The following RPS6KL1 variants were observed in gnomAD, a reference collection of about 807,000 sequenced individuals.
RPS6KL1 encodes the protein ribosomal protein S6 kinase like 1, also known as ribosomal protein S6 kinase-like 1.
Under a neutral mutation model 57.0 loss-of-function variants are expected in RPS6KL1, and 41 were observed. That is an observed-to-expected ratio of 0.72 (90% confidence interval 0.56 to 0.93). The LOEUF (loss-of-function observed/expected upper bound fraction) is 0.93. Among genes scored for constraint, RPS6KL1 ranks in the 40% least tolerant of loss-of-function variants. RPS6KL1 has a pLI of 0.00. For synonymous variants in RPS6KL1, 287 were observed against 309.7 expected, an observed-to-expected ratio of 0.93 and a Z score of 0.77; for missense variants, 697 against 727.7, an observed-to-expected ratio of 0.96 and a Z score of 0.49.
In RPS6KL1 at chr14:74,908,839, C is replaced by T. The variant is rs748525332; in HGVS notation, c.1443+11G>A. The T allele has an allele frequency of 6.2e-7, 1 of 1,613,328 alleles. No homozygotes were observed. The highest frequency in any genetic ancestry group is 1.7e-5 in the Admixed American group (1 of 60,034). ...ACCCACCAGGGCACTACACCCAGCCCAGCCACTCACCATTCCCGTCAGCAG... is the reference window on the plus strand; with the variant it reads ...ACCCACCAGGGCACTACACCCAGCCTAGCCACTCACCATTCCCGTCAGCAG... On this transcript the variant is annotated intron_variant, in intron 10 of 11. Coordinates refer to ENST00000557413, the MANE Select transcript of RPS6KL1 (RefSeq NM_031464.5).
chr14:74,911,469 C>T (rs528159872), intron 6 of RPS6KL1, 89 bp from the exon 7 acceptor site: 10 of 1,478,592 alleles, frequency 6.8e-6, no homozygotes, highest in Non-Finnish European at 9.2e-6. Flanking sequence ...TCAGGGGCAC[C>T]CGAATGAGGG....
intron 11 of RPS6KL1, 146 bp downstream of exon 11, chr14:74,907,289 A>G (rs1027609409): frequency 2.1e-6 from 3 of 1,420,218 alleles, no homozygotes; most frequent in East Asian, 5.0e-5. Context: ...GGCCACCAAC[A>G]TATAGAAATG....
rs199504156 is a variant in RPS6KL1, at chr14:74,907,029, G to A, written c.1635C>T (p.Ser545=). ...SHPFFSTIQW[S]KLVG ...CTCTGCCCTCTTACCCCACCAGCTT[G>A]CTCCATTGGATGGTACTGAAAAAGG... is the stretch of plus-strand genomic sequence containing the variant. Residue 545 remains serine, a synonymous_variant, in exon 12 of 12, where the codon AGC becomes AGT. Transcript: ENST00000557413. 1.1e-4 allele frequency: 175 copies of A among 1,611,736 alleles called. 1 individual carries two copies. Among genetic ancestry groups the A allele is most frequent in the Non-Finnish European group, 1.5e-4 (171 of 1,178,734 alleles).
chr14:74,908,630 C>T (rs1885325073), intron 10 of RPS6KL1, among the ~76,000 whole-genome samples: 2 of 152,206 alleles, frequency 1.3e-5, no homozygotes, highest in South Asian at 4.1e-4. Flanking sequence ...GAAACCTTCC[C>T]TGACCATCCC....
In RPS6KL1 at chr14:74,906,788, G is replaced by A. The variant is rs1360256230; in HGVS notation, c.*226C>T. ...ATGGGTAGATGGTTCAAGCTGCTTA[G>A]CAGGGCAAGCCTTGACTGCCCCCAC... On this transcript the variant is annotated 3_prime_UTR_variant, in exon 12 of 12. Transcript: ENST00000557413. 3 of 689,258 alleles carry A rather than the reference G, an allele frequency of 4.4e-6. No individual in the cohort carries two copies. Among genetic ancestry groups the A allele is most frequent in the Non-Finnish European group, 8.1e-6 (3 of 371,796 alleles). The allele number at this position is 689,258 out of a possible 1,614,324, so 42.7% of individuals were successfully genotyped here.
chr14:74,917,459 T>C (rs4899539), intron 5 of RPS6KL1, among the ~76,000 whole-genome samples: 87,660 of 151,982 alleles, frequency 0.58, 25,661 homozygotes, highest in South Asian at 0.69. Flanking sequence ...AATCACCCAG[T>C]GAGTATGTTA....
At chr14:74,909,431 G>A (rs1388317618) in intron 8 of RPS6KL1, 112 bp downstream of exon 8, 4 of 1,388,970 alleles carry the variant, frequency 2.9e-6, no homozygotes, top group Non-Finnish European at 3.9e-6. Flanking sequence ...AAGGCTGGCT[G>A]GGGCCAGGGA....
At chr14:74,908,981 T>C in intron 9 of RPS6KL1, 49 bp from the exon 10 acceptor site, 1 of 1,571,872 alleles carries the variant, frequency 6.4e-7, no homozygotes, top group Non-Finnish European at 8.7e-7. Flanking sequence ...AGAGGGCCTC[T>C]TCCATTCTCC....
intron 5 of RPS6KL1, 109 bp from the exon 6 acceptor site, chr14:74,911,950 T>G: frequency 3.6e-6 from 3 of 828,846 alleles, no homozygotes; most frequent in African/African-American, 1.7e-5. Context: ...CTCACTCCAG[T>G]GGCAGGGCAG....
At chr14:74,911,053 GTAGA>G (rs1401212560) in intron 7 of RPS6KL1, 191 bp downstream of exon 7, 10 of 514,802 alleles carry the variant, frequency 1.9e-5, no homozygotes, top group Non-Finnish European at 3.5e-5. Flanking sequence ...TGTATTTTTA[GTAGA>G]GACAGGGTTT....
intron 3 of RPS6KL1, 24 bp downstream of exon 3, chr14:74,921,252 AG>A: frequency 1.5e-5 from 8 of 517,358 alleles, no homozygotes; most frequent in Non-Finnish European, 2.7e-5. Flanking sequence ...CACCCACCCC[AG>A]CCCTGCCCAG....
At position 74,911,321 on chromosome 14, in the gene RPS6KL1, G is replaced by T; in HGVS notation, c.591C>A (p.Val197=). 6.2e-7 allele frequency: 1 copy of T among 1,612,142 alleles called. No individual in the cohort carries two copies. Among genetic ancestry groups the T allele is most frequent in the Non-Finnish European group, 8.5e-7 (1 of 1,179,968 alleles). The change falls in exon 7 of 12, where the codon GTC becomes GTA. Residue 197 remains valine (V), a synonymous_variant. Transcript: ENST00000557413. ...RERLTIIPHG[V]PYMTKLLRYF... is the part of the protein sequence containing the mutation. ...ACCTGAGCAGCTTCGTCATGTAGGG[G>T]ACTCCGTGTGGGATGATGGTCAGCC...
chr14:74,911,274 A>G lies in RPS6KL1; in HGVS notation c.638T>C (p.Ile213Thr), dbSNP rs760257379. The change falls in exon 7 of 12, where the codon ATC (isoleucine) becomes ACC (threonine). Residue 213 changes from isoleucine (I) to threonine (T), a missense_variant. Ile to Thr is a moderately conservative substitution (Grantham distance 89). Coordinates refer to ENST00000557413, the MANE Select transcript of RPS6KL1 (RefSeq NM_031464.5). ...LLRYFVSEDS[I>T]FLHLEHVQGG... ...TTGCACATGCTCCAGGTGCAGGAAG[A>G]TGGAGTCCTCGCTCACAAAGTACCT... 3.7e-6 allele frequency: 6 copies of G among 1,612,672 alleles called. No individual in the cohort carries two copies. The highest frequency in any genetic ancestry group is 4.2e-6 in the Non-Finnish European group (5 of 1,179,992).
In RPS6KL1 at chr14:74,918,615, A is replaced by T. The variant is rs773560955; in HGVS notation, c.391-10T>A. ...TCAGGCTGCTGAAACCCTGCAGAGG[A>T]GGGAGACAGGCCACACACAGCCTCA... On this transcript the variant is annotated splice_polypyrimidine_tract_variant and intron_variant, in intron 4 of 11. Coordinates refer to ENST00000557413, the MANE Select transcript of RPS6KL1 (RefSeq NM_031464.5). 2.4e-5 allele frequency: 36 copies of T among 1,530,992 alleles called. No individual in the cohort carries two copies. The highest frequency in any genetic ancestry group is 2.0e-5 in the Admixed American group (1 of 50,496). The allele number at this position is 1,530,992 out of a possible 1,614,324, so 94.8% of individuals were successfully genotyped here.
At chr14:74,908,783 A>G (rs1195991864) in intron 10 of RPS6KL1, 67 bp downstream of exon 10, 3 of 1,402,460 alleles carry the variant, frequency 2.1e-6, no homozygotes, top group East Asian at 2.3e-5. Context: ...GGCTGGATGG[A>G]CTAAGCCTGG....
chr14:74,913,161 G>A (rs1886306301), intron 5 of RPS6KL1, among the ~76,000 whole-genome samples: 1 of 152,228 alleles, frequency 6.6e-6, no homozygotes, highest in Non-Finnish European at 1.5e-5. Flanking sequence ...GGGGCACTGG[G>A]CTTCGATCCT....
intron 4 of RPS6KL1, 112 bp downstream of exon 4, chr14:74,919,733 T>C (rs1722852012): frequency 1.7e-6 from 2 of 1,200,332 alleles, no homozygotes; most frequent in African/African-American, 1.5e-5. Flanking sequence ...TGACTTCCAC[T>C]GCCGGCCTCT....
rs867750508 is a variant in RPS6KL1, at chr14:74,906,410, G to T, written c.*604C>A. The T allele has an allele frequency of 2.1e-3, 476 of 224,920 alleles. 11 individuals are homozygous for T. The highest frequency in any genetic ancestry group is 6.2e-3 in the African/African-American group (61 of 9,894). 13.9% of individuals were successfully genotyped at this position (224,920 alleles called of 1,614,324 possible). ...GGGGGCATGGTCAGGAATCGGGGGT[G>T]GGGGGGTGGGGGTGGGGGTCATCCT... On this transcript the variant is annotated 3_prime_UTR_variant, in exon 12 of 12. Transcript: ENST00000557413.
intron 6 of RPS6KL1, 114 bp downstream of exon 6, chr14:74,911,679 CA>C: frequency 3.9e-6 from 4 of 1,015,690 alleles, no homozygotes; most frequent in Non-Finnish European, 6.0e-6. Flanking sequence ...GCAGAACAAC[CA>C]GCTTTTGTGG....
Sources: gnomAD v4.1 joint callset for allele counts (sites outside exome capture counted in the v4.1 genomes callset) on GRCh38, gnomAD v4.1.1 for gene constraint, MANE v1.5 for transcripts, NCBI Gene and HGNC (gene_info 2026-07-23, HGNC 2026-07-21) for gene names.